The following FUT9 variants were observed in gnomAD, a reference collection of about 807,000 sequenced individuals.
FUT9 encodes the protein fucosyltransferase 9.
Under a neutral mutation model 29.7 loss-of-function variants are expected in FUT9, and 15 were observed. That is an observed-to-expected ratio of 0.51 (90% CI 0.34 to 0.78). FUT9 has a LOEUF of 0.78. Among genes scored for constraint, FUT9 ranks in the 30% least tolerant of loss-of-function variants. The probability of loss-of-function intolerance (pLI) is 0.01; values close to 1 mark genes in which losing one functional copy is unlikely to be tolerated. For synonymous variants in FUT9, 169 were observed against 153.7 expected (o/e 1.10, Z -0.74); for missense variants, 319 against 425.4 (o/e 0.75, Z 2.20).
intron 2 of FUT9, among the ~76,000 whole-genome samples, chr6:96,117,986 A>G (rs888655873): frequency 6.6e-6 from 1 of 152,116 alleles, no homozygotes; most frequent in African/African-American, 2.4e-5. Context: ...CAAGCAAATC[A>G]CTTGAGGTCA....
intron 2 of FUT9, among the ~76,000 whole-genome samples, chr6:96,152,206 A>T (rs1441491220): frequency 6.6e-6 from 1 of 152,178 alleles, no homozygotes; most frequent in Non-Finnish European, 1.5e-5. Context: ...TTACTCTGTC[A>T]TAGTTTTTAC....
At chr6:96,171,151 C>T (rs959213249) in intron 2 of FUT9, among the ~76,000 whole-genome samples, 3 of 152,184 alleles carry the variant, frequency 2.0e-5, no homozygotes, top group Non-Finnish European at 2.9e-5. Flanking sequence ...GGCAACCAAA[C>T]AGGTGACTGA....
chr6:96,127,309 G>T (rs1395667724), intron 2 of FUT9, among the ~76,000 whole-genome samples: 1 of 152,062 alleles, frequency 6.6e-6, no homozygotes, highest in Non-Finnish European at 1.5e-5. Context: ...TCTTGTTTTT[G>T]CATTAGTTTC....
chr6:96,195,702 A>C (rs1285063994), intron 2 of FUT9, among the ~76,000 whole-genome samples: 6 of 152,252 alleles, frequency 3.9e-5, no homozygotes, highest in Non-Finnish European at 8.8e-5. Flanking sequence ...TTTGTTTTTA[A>C]TCTTGCACGT....
At chr6:96,101,362 A>G (rs984944358) in intron 1 of FUT9, among the ~76,000 whole-genome samples, 9 of 152,092 alleles carry the variant, frequency 5.9e-5, no homozygotes, top group South Asian at 2.1e-4. Flanking sequence ...AACATGATGA[A>G]ACCCCATCTC....
intron 1 of FUT9, among the ~76,000 whole-genome samples, chr6:96,023,516 C>A (rs1384644078): frequency 6.6e-6 from 1 of 151,856 alleles, no homozygotes; most frequent in African/African-American, 2.4e-5. Flanking sequence ...CTGGGAGTAA[C>A]CTGTAGTAAT....
chr6:96,120,075 A>T (rs903531673), intron 2 of FUT9, among the ~76,000 whole-genome samples: 3 of 152,106 alleles, frequency 2.0e-5, no homozygotes, highest in Non-Finnish European at 4.4e-5. Flanking sequence ...TTTGAAAAGA[A>T]TATTATCAAA....
At chr6:96,176,710 A>G (rs1040486417) in intron 2 of FUT9, among the ~76,000 whole-genome samples, 1 of 152,112 alleles carries the variant, frequency 6.6e-6, no homozygotes, top group Admixed American at 6.6e-5. Context: ...CCTCAGGGCC[A>G]TGCTTCCTGG....
intron 1 of FUT9, among the ~76,000 whole-genome samples, chr6:96,078,558 C>T (rs1209003420): frequency 6.6e-6 from 1 of 151,342 alleles, no homozygotes; most frequent in East Asian, 2.0e-4. Flanking sequence ...GTAGCTGGGA[C>T]TACAGGCACA....
chr6:96,130,236 A>G (rs1305940061), intron 2 of FUT9, among the ~76,000 whole-genome samples: 1 of 152,128 alleles, frequency 6.6e-6, no homozygotes, highest in African/African-American at 2.4e-5. Context: ...TAAGAAAGGA[A>G]AATAAGTTAA....
chr6:96,130,131 A>G (rs1489242568), intron 2 of FUT9, among the ~76,000 whole-genome samples: 3 of 152,120 alleles, frequency 2.0e-5, no homozygotes, highest in Non-Finnish European at 4.4e-5. Context: ...AAATTTTTTA[A>G]CTTTATATTT....
At chr6:96,168,324 A>C (rs564652748) in intron 2 of FUT9, among the ~76,000 whole-genome samples, 1 of 152,174 alleles carries the variant, frequency 6.6e-6, no homozygotes, top group East Asian at 1.9e-4. Context: ...TATGTGGAAC[A>C]AAATTGGGTG....
chr6:96,203,127 C>A, intron 2 of FUT9, 21 bp from the exon 3 acceptor site: 1 of 1,550,614 alleles, frequency 6.4e-7, no homozygotes, highest in Admixed American at 1.9e-5. Flanking sequence ...ACCTCCCCTT[C>A]TGTCTTTCTC....
chr6:96,080,022 T>C (rs1228734245), intron 1 of FUT9, among the ~76,000 whole-genome samples: 2 of 152,042 alleles, frequency 1.3e-5, no homozygotes, highest in East Asian at 1.9e-4. Context: ...CTTGAAGAAG[T>C]AGAATAAACT....
chr6:96,051,010 C>CTG (rs72037171), intron 1 of FUT9, among the ~76,000 whole-genome samples: 74,950 of 147,880 alleles, frequency 0.51, 19,166 homozygotes, highest in African/African-American at 0.65. Context: ...CTCTCTCTCT[C>CTG]TCTGTGTGTG....
intron 1 of FUT9, among the ~76,000 whole-genome samples, chr6:96,095,040 G>A (rs557329789): frequency 1.7e-4 from 26 of 151,932 alleles, no homozygotes; most frequent in Non-Finnish European, 2.9e-4. Context: ...TCTTCTTTTG[G>A]CCTGGAACAC....
intron 2 of FUT9, among the ~76,000 whole-genome samples, chr6:96,155,948 G>T (rs1431172771): frequency 2.0e-5 from 3 of 152,134 alleles, no homozygotes; most frequent in Non-Finnish European, 4.4e-5. Flanking sequence ...ACAGAATGGT[G>T]GTTTGTTTGC....
At chr6:96,032,788 A>G in intron 1 of FUT9, among the ~76,000 whole-genome samples, 1 of 151,564 alleles carries the variant, frequency 6.6e-6, no homozygotes, top group East Asian at 1.9e-4. Context: ...ACAGTGTTTC[A>G]GGCTCCTGAT....
intron 1 of FUT9, among the ~76,000 whole-genome samples, chr6:96,043,642 G>A (rs1253675176): frequency 1.3e-5 from 2 of 152,124 alleles, no homozygotes; most frequent in East Asian, 3.9e-4. Flanking sequence ...ATAATTATTA[G>A]TTATTCAAGA....
Sources: gnomAD v4.1 joint callset for allele counts (sites outside exome capture counted in the v4.1 genomes callset) on GRCh38, gnomAD v4.1.1 for gene constraint, MANE v1.5 for transcripts, NCBI Gene and HGNC (gene_info 2026-07-23, HGNC 2026-07-21) for gene names.